Variants in IGSF11 observed in about 807,000 individuals in gnomAD.
IGSF11 encodes immunoglobulin superfamily member 11, also known as CXADR like 1.
Under a neutral mutation model 41.0 loss-of-function variants are expected in IGSF11, and 22 were observed. That is an observed-to-expected ratio of 0.54 (90% CI 0.38 to 0.77). IGSF11 has a LOEUF of 0.77. Ranked by LOEUF, IGSF11 falls within the 30% of genes least tolerant of loss-of-function variation. IGSF11 has a pLI of 0.00. For synonymous variants in IGSF11, 219 were observed against 201.3 expected (o/e 1.09, Z -0.74); for missense variants, 444 against 530.8 (o/e 0.84, Z 1.61).
At chr3:119,026,261 T>G (rs769078070) in intron 1 of IGSF11, among the ~76,000 whole-genome samples, 4 of 152,164 alleles carry the variant, frequency 2.6e-5, no homozygotes, top group Non-Finnish European at 4.4e-5. Context: ...ACATGTATAT[T>G]CCATTTAATG....
chr3:119,069,526 G>T (rs1942337261), intron 1 of IGSF11, among the ~76,000 whole-genome samples: 1 of 152,000 alleles, frequency 6.6e-6, no homozygotes, highest in Non-Finnish European at 1.5e-5. Context: ...TTATGAAAAG[G>T]CCTAATTTCA....
At chr3:119,017,776 C>CTTTTTTTTTT (rs567222914) in intron 1 of IGSF11, among the ~76,000 whole-genome samples, 1 of 100,258 alleles carries the variant, frequency 1.0e-5, no homozygotes, top group Non-Finnish European at 2.0e-5. Context: ...GTTTGTTTTA[C>CTTTTTTTTTT]TTTTTTTTTT....
intron 1 of IGSF11, among the ~76,000 whole-genome samples, chr3:119,004,058 C>T (rs1201109034): frequency 1.3e-5 from 2 of 151,562 alleles, no homozygotes; most frequent in Admixed American, 1.3e-4. Context: ...CTCCTTGTAC[C>T]TCTGGTAGAA....
At chr3:119,042,327 C>T (rs2107748944) in intron 1 of IGSF11, among the ~76,000 whole-genome samples, 1 of 152,346 alleles carries the variant, frequency 6.6e-6, no homozygotes, top group East Asian at 1.9e-4. Context: ...AGGGGCGAAG[C>T]CTGAGAGCCC....
intron 1 of IGSF11, among the ~76,000 whole-genome samples, chr3:118,988,058 C>T (rs1236690608): frequency 6.6e-6 from 1 of 152,156 alleles, no homozygotes; most frequent in Non-Finnish European, 1.5e-5. Context: ...AAGCAAGGGA[C>T]AGAGTTCAGC....
intron 1 of IGSF11, among the ~76,000 whole-genome samples, chr3:119,133,157 C>A (rs1044415045): frequency 6.6e-5 from 10 of 152,076 alleles, no homozygotes; most frequent in Non-Finnish European, 1.5e-4. Context: ...ATTAAAAGAA[C>A]TAGAGAAGCA....
intron 1 of IGSF11, among the ~76,000 whole-genome samples, chr3:118,992,057 A>T (rs1935839171): frequency 6.6e-6 from 1 of 152,264 alleles, no homozygotes; most frequent in Non-Finnish European, 1.5e-5. Flanking sequence ...GCTCGAATCA[A>T]CCATAGGAAA....
chr3:118,928,297 AATAAG>A (rs1942523790), intron 3 of IGSF11, among the ~76,000 whole-genome samples: 1 of 152,194 alleles, frequency 6.6e-6, no homozygotes, highest in African/African-American at 2.4e-5. Flanking sequence ...AAAGTCATTA[AATAAG>A]TAAGTTTTAG....
At chr3:119,110,597 G>C (rs2077136248) in intron 1 of IGSF11, among the ~76,000 whole-genome samples, 1 of 152,162 alleles carries the variant, frequency 6.6e-6, no homozygotes, top group East Asian at 1.9e-4. Context: ...TACATTTAAA[G>C]TTAATATTGT....
chr3:119,022,205 C>T (rs1436393319), intron 1 of IGSF11, among the ~76,000 whole-genome samples: 2 of 152,048 alleles, frequency 1.3e-5, no homozygotes, highest in African/African-American at 4.8e-5. Context: ...TATAATTCTA[C>T]TTATATGAGG....
At chr3:119,009,423 A>C (rs1937828382) in intron 1 of IGSF11, among the ~76,000 whole-genome samples, 1 of 152,150 alleles carries the variant, frequency 6.6e-6, no homozygotes, top group Admixed American at 6.5e-5. Flanking sequence ...TCATGGGGGC[A>C]GTTTCCCCCA....
chr3:118,946,881 G>A (rs1280100438), intron 1 of IGSF11, among the ~76,000 whole-genome samples: 8 of 152,238 alleles, frequency 5.3e-5, no homozygotes, highest in Non-Finnish European at 1.0e-4. Flanking sequence ...GGAGGCCAAG[G>A]CGGGCGGATC....
At chr3:119,087,027 C>G (rs1480045962) in intron 1 of IGSF11, among the ~76,000 whole-genome samples, 1 of 152,166 alleles carries the variant, frequency 6.6e-6, no homozygotes. Context: ...TGTAATGACA[C>G]CCACAGGCTC....
chr3:118,966,302 AT>A (rs951223732), intron 1 of IGSF11, among the ~76,000 whole-genome samples: 22 of 152,206 alleles, frequency 1.4e-4, no homozygotes, highest in Non-Finnish European at 4.4e-5. Flanking sequence ...CATTTCATAG[AT>A]GAAGAAACAG....
At chr3:119,105,697 A>G (rs1171502597), upstream of IGSF11, among the ~76,000 whole-genome samples, 2 of 152,140 alleles carry the variant, frequency 1.3e-5, no homozygotes, top group African/African-American at 4.8e-5. Flanking sequence ...CACACATACC[A>G]TACATGAAGT....
intron 4 of IGSF11, among the ~76,000 whole-genome samples, chr3:118,907,809 C>T (rs1169567539): frequency 1.3e-5 from 2 of 152,210 alleles, no homozygotes; most frequent in African/African-American, 4.8e-5. Flanking sequence ...AAAGCTTATA[C>T]TCACCATACA....
intron 1 of IGSF11, among the ~76,000 whole-genome samples, chr3:119,040,938 A>G (rs1313581576): frequency 6.6e-6 from 1 of 152,230 alleles, no homozygotes; most frequent in Non-Finnish European, 1.5e-5. Context: ...AAAGGAAACT[A>G]AAGTGTATCT....
chr3:119,133,630 C>A (rs952130630), intron 1 of IGSF11, among the ~76,000 whole-genome samples: 1 of 152,114 alleles, frequency 6.6e-6, no homozygotes, highest in East Asian at 1.9e-4. Flanking sequence ...CAGCCAAATT[C>A]TAAAAGAGGT....
intron 1 of IGSF11, among the ~76,000 whole-genome samples, chr3:118,987,346 C>T (rs539858724): frequency 2.7e-4 from 41 of 152,318 alleles, no homozygotes; most frequent in African/African-American, 9.1e-4. Context: ...TCACACGACA[C>T]CCACATATAT....
Sources: allele counts gnomAD v4.1 joint callset (sites outside exome capture counted in the v4.1 genomes callset), GRCh38; gene constraint gnomAD v4.1.1; transcripts MANE v1.5; gene names NCBI Gene and HGNC (gene_info 2026-07-23, HGNC 2026-07-21).